SCN9A: variants seen among roughly 807,000 people sequenced by gnomAD.
The protein encoded by SCN9A is sodium voltage-gated channel alpha subunit 9.
Under a neutral mutation model 187.0 loss-of-function variants are expected in SCN9A, and 131 were observed. That is an observed-to-expected ratio of 0.70 (90% CI 0.61 to 0.81). SCN9A has a LOEUF of 0.81. Among genes scored for constraint, SCN9A ranks in the 30% least tolerant of loss-of-function variants. The probability of loss-of-function intolerance (pLI) is 0.00; values close to 1 mark genes in which losing one functional copy is unlikely to be tolerated. For missense variants in SCN9A, 2,252 were observed against 2,396.6 expected (o/e 0.94, Z 1.26); for synonymous variants, 809 against 808.6 (o/e 1.00, Z -0.01).
At chr2:166,366,111 T>A (rs1036716444) in intron 1 of SCN9A, among the ~76,000 whole-genome samples, 1 of 152,102 alleles carries the variant, frequency 6.6e-6, no homozygotes, top group Admixed American at 6.5e-5. Context: ...ATGGCACCAA[T>A]ACCAACTTGG....
At chr2:166,235,869 A>T (rs1327780982) in intron 20 of SCN9A, among the ~76,000 whole-genome samples, 2 of 151,736 alleles carry the variant, frequency 1.3e-5, no homozygotes, top group Non-Finnish European at 2.9e-5. Context: ...CCTGAACAGG[A>T]GGTTATACTC....
chr2:166,363,322 C>CA (rs1374183464), intron 1 of SCN9A, among the ~76,000 whole-genome samples: 1 of 151,964 alleles, frequency 6.6e-6, no homozygotes, highest in Non-Finnish European at 1.5e-5. Context: ...TATTAAGCAC[C>CA]TTCTCTGTGC....
chr2:166,372,116 G>T (rs983417937), intron 1 of SCN9A, among the ~76,000 whole-genome samples: 6 of 152,112 alleles, frequency 3.9e-5, no homozygotes, highest in African/African-American at 1.4e-4. Flanking sequence ...GTGAGTGTGT[G>T]TGTGGTAAAA....
At chr2:166,309,249 C>A (rs1005159282) in intron 2 of SCN9A, among the ~76,000 whole-genome samples, 2 of 151,946 alleles carry the variant, frequency 1.3e-5, no homozygotes, top group Non-Finnish European at 2.9e-5. Context: ...GATCAAGTTA[C>A]CTTATACTTG....
At chr2:166,278,873 A>G (rs548309658) in intron 14 of SCN9A, among the ~76,000 whole-genome samples, 1 of 152,330 alleles carries the variant, frequency 6.6e-6, no homozygotes, top group South Asian at 2.1e-4. Context: ...TCATTAATTC[A>G]TGATACTGGT....
chr2:166,299,933 A>G (rs1266537755), intron 7 of SCN9A, among the ~76,000 whole-genome samples: 1 of 150,772 alleles, frequency 6.6e-6, no homozygotes, highest in South Asian at 2.1e-4. Context: ...GTCATCCTCA[A>G]TGCTTCCTGT....
intron 1 of SCN9A, among the ~76,000 whole-genome samples, chr2:166,360,964 A>G (rs1344887047): frequency 6.6e-6 from 1 of 152,194 alleles, no homozygotes; most frequent in Non-Finnish European, 1.5e-5. Flanking sequence ...ATAGTAAGAC[A>G]GCATAACCCA....
At chr2:166,230,309 G>A (rs1347513635) in intron 21 of SCN9A, among the ~76,000 whole-genome samples, 1 of 152,140 alleles carries the variant, frequency 6.6e-6, no homozygotes, top group Non-Finnish European at 1.5e-5. Context: ...TGGTTGTGCT[G>A]TCTTTCCGGA....
chr2:166,290,613 C>A (rs981529847), intron 9 of SCN9A, among the ~76,000 whole-genome samples: 3 of 152,160 alleles, frequency 2.0e-5, no homozygotes, highest in Non-Finnish European at 4.4e-5. Flanking sequence ...ACCATTCTGA[C>A]TGACTTGAGA....
chr2:166,303,077 A>G lies in SCN9A; in HGVS notation c.901+13T>C. The G allele has an allele frequency of 6.5e-7, 1 of 1,540,460 alleles. No individual in the cohort carries two copies. Among genetic ancestry groups the G allele is most frequent in the Non-Finnish European group, 8.9e-7 (1 of 1,122,990 alleles). On this transcript the variant is annotated intron_variant, in intron 7 of 26. Transcript: ENST00000642356. ...TTATTTCAACCTAATAACAAATGCA[A>G]GGACATTCTTACTTCTAAAGTCTTC... is the stretch of plus-strand genomic sequence containing the variant.
At chr2:166,370,830 A>AG (rs1700544507) in intron 1 of SCN9A, among the ~76,000 whole-genome samples, 3 of 151,982 alleles carry the variant, frequency 2.0e-5, no homozygotes, top group African/African-American at 4.8e-5. Context: ...AAAAAAAAAA[A>AG]GAAAAAGGGC....
chr2:166,213,102 C>A (rs1694167408), intron 24 of SCN9A, among the ~76,000 whole-genome samples: 1 of 151,836 alleles, frequency 6.6e-6, no homozygotes, highest in Admixed American at 6.6e-5. Flanking sequence ...CTAAGCCCAA[C>A]ATCAGCAAAA....
In SCN9A at chr2:166,306,962, A is replaced by T; in HGVS notation, c.371T>A (p.Val124Glu). Reference protein sequence around the residue: ...PLRRISIKILVHSLFSMLIMC... With the variant: ...PLRRISIKILEHSLFSMLIMC... ...ATCATTTTTAAAAGGATATGAGTGT[A>T]CTAAAATCTTAATAGATATTCTTCT... Residue 124 changes from valine to glutamate, a missense_variant, in exon 3 of 27, where the codon GTA becomes GAA. Coordinates refer to ENST00000642356, the MANE Select transcript of SCN9A (RefSeq NM_001365536.1). 1 of 1,541,710 alleles carries T rather than the reference A, an allele frequency of 6.5e-7. No individual in the cohort carries two copies. Among genetic ancestry groups the T allele is most frequent in the Non-Finnish European group, 9.0e-7 (1 of 1,115,526 alleles).
At chr2:166,255,815 AAG>A (rs1320071473) in intron 17 of SCN9A, among the ~76,000 whole-genome samples, 1 of 150,882 alleles carries the variant, frequency 6.6e-6, no homozygotes, top group Admixed American at 6.9e-5. Flanking sequence ...ATGGGTATAA[AAG>A]AGAAGAAAAA....
At chr2:166,339,656 C>T (rs1446018836) in intron 1 of SCN9A, among the ~76,000 whole-genome samples, 2 of 152,214 alleles carry the variant, frequency 1.3e-5, no homozygotes, top group African/African-American at 4.8e-5. Context: ...ACTGGAGTCC[C>T]TGGCACCTGA....
At chr2:166,278,395 C>T (rs1697332939) in intron 14 of SCN9A, 82 bp from the exon 15 acceptor site, 5 of 1,181,500 alleles carry the variant, frequency 4.2e-6, no homozygotes, top group Non-Finnish European at 5.9e-6. Context: ...GTTTGCTTAG[C>T]ATTTACTGTG....
chr2:166,303,485 G>A (rs1698648469), intron 6 of SCN9A, among the ~76,000 whole-genome samples, 183 bp from the exon 7 acceptor site: 1 of 151,972 alleles, frequency 6.6e-6, no homozygotes, highest in Admixed American at 6.6e-5. Flanking sequence ...TACAGCAAAT[G>A]GTTAAAAATA....
rs1219616983 is a variant in SCN9A, at chr2:166,328,520, GA to G, written c.-50-16715del. On this transcript the variant is annotated intron_variant, in intron 1 of 26. Transcript: ENST00000642356. ...TTTATTTAAGTATGTTATACTTAAT[GA>G]AAAGTTAAAAAGATGAACGTAAAAT... Among the ~76,000 whole-genome samples the G allele has an allele frequency of 4.6e-5, 7 of 152,142 alleles. No homozygotes were observed. The South Asian group carries it at 1.4e-3, about 32-fold the overall frequency.
At chr2:166,297,408 A>G (rs559525378) in intron 7 of SCN9A, among the ~76,000 whole-genome samples, 2 of 152,276 alleles carry the variant, frequency 1.3e-5, no homozygotes, top group South Asian at 4.1e-4. Flanking sequence ...GCATATACAT[A>G]CAATGAAATA....
Sources: gnomAD v4.1 joint callset for allele counts (sites outside exome capture counted in the v4.1 genomes callset) on GRCh38, gnomAD v4.1.1 for gene constraint, MANE v1.5 for transcripts, NCBI Gene and HGNC (gene_info 2026-07-23, HGNC 2026-07-21) for gene names.